The following TGM7 variants were observed in gnomAD, a reference collection of about 807,000 sequenced individuals.
TGM7 encodes transglutaminase 7, also known as protein-glutamine gamma-glutamyltransferase Z.
In TGM7, 74 loss-of-function variants were observed where a neutral mutation model predicts 79.5. The observed-to-expected ratio is 0.93, with a 90% CI of 0.77 to 1.13. The LOEUF (loss-of-function observed/expected upper bound fraction) is 1.13. Among genes scored for constraint, TGM7 ranks in the 50% most tolerant of loss-of-function variants. TGM7 has a pLI of 0.00. For missense variants in TGM7, 912 were observed against 905.9 expected (o/e 1.01, Z -0.09); for synonymous variants, 354 against 362.5 (o/e 0.98, Z 0.27).
chr15:43,291,723 TTGTAGTAGCC>T (rs1160216870), intron 4 of TGM7, among the ~76,000 whole-genome samples: 1 of 152,224 alleles, frequency 6.6e-6, no homozygotes, highest in Non-Finnish European at 1.5e-5. Flanking sequence ...GGGAGATCTA[TTGTAGTAGCC>T]TGTCTACTTT....
chr15:43,292,901 C>G lies in TGM7; in HGVS notation c.247G>C (p.Val83Leu), dbSNP rs748029325. The stretch of plus-strand genomic sequence containing the variant: ...GCGCTCCAGACATTCCCGGGCTGGA[C>G]CCGGGTGAGGAAGAATGTGGCTCGG... ...GTRATFFLTR[V>L]QPGNVWSASD... Residue 83 changes from valine to leucine, a missense_variant, in exon 3 of 13, where the codon GTC becomes CTC. Coordinates refer to ENST00000452443, the MANE Select transcript of TGM7 (RefSeq NM_052955.3). 1.9e-6 allele frequency: 3 copies of G among 1,613,698 alleles called. No individual in the cohort carries two copies. Among genetic ancestry groups the G allele is most frequent in the Non-Finnish European group, 2.5e-6 (3 of 1,179,976 alleles).
chr15:43,285,400 G>C (rs2042930332), intron 6 of TGM7, among the ~76,000 whole-genome samples: 1 of 152,210 alleles, frequency 6.6e-6, no homozygotes, highest in Non-Finnish European at 1.5e-5. Context: ...GCTGGGTGTG[G>C]TGGTGCATGC....
At chr15:43,284,739 G>T in intron 7 of TGM7, 75 bp downstream of exon 7, 1 of 1,541,888 alleles carries the variant, frequency 6.5e-7, no homozygotes, top group Non-Finnish European at 8.9e-7. Context: ...TTCCTCAAGA[G>T]CCAGAGAGAA....
At position 43,293,440 on chromosome 15, in the gene TGM7, C is replaced by T. The variant is rs2042973870; in HGVS notation, c.193+9G>A. 1 of 1,591,614 alleles carries T rather than the reference C, an allele frequency of 6.3e-7. No homozygotes were observed. The highest frequency in any genetic ancestry group is 8.6e-7 in the Non-Finnish European group (1 of 1,165,434). ...GAACCTGCGGGGCCTTGGGACAGGG[C>T]AAACTCACCGGTCTCAGCCACAAAG... On this transcript the variant is annotated intron_variant, in intron 2 of 12. Transcript: ENST00000452443.
rs1331853180 is a variant in TGM7, at chr15:43,279,237, T to C, written c.1719A>G (p.Arg573=). The change falls in exon 11 of 13, where the codon AGA becomes AGG. Residue 573 remains arginine, a synonymous_variant. Coordinates refer to ENST00000452443, the MANE Select transcript of TGM7 (RefSeq NM_052955.3). ...TGAGCTTTTCGTCCGTTAGCTTGTT[T>C]CTGTAATTGCTGTAGGGCAGGAGGA... ...WPLLLPYSNY[R]NKLTDEKLIR... The C allele has an allele frequency of 2.5e-6, 4 of 1,614,170 alleles. No homozygotes were observed. Among genetic ancestry groups the C allele is most frequent in the Non-Finnish European group, 3.4e-6 (4 of 1,180,018 alleles).
chr15:43,277,065 C>T (rs2042881930), intron 11 of TGM7, 70 bp from the exon 12 acceptor site: 2 of 1,573,726 alleles, frequency 1.3e-6, no homozygotes, highest in Non-Finnish European at 1.7e-6. Context: ...CAGTTACCCC[C>T]ACCCCCAGGT....
Position 43,284,681 on chromosome 15 carries a change from T to A in TGM7, c.1004+133A>T, listed in dbSNP as rs2042925866. 8.8e-6 allele frequency: 10 copies of A among 1,130,664 alleles called. No individual in the cohort carries two copies. In the South Asian group the frequency reaches 1.5e-4, roughly 17 times the overall value. 70.0% of individuals were successfully genotyped at this position (1,130,664 alleles called of 1,614,324 possible). A position where few individuals can be genotyped will look rare whatever the true frequency, so the allele number is the denominator to read the frequency against. On this transcript the variant is annotated intron_variant, in intron 7 of 12. Coordinates refer to ENST00000452443, the MANE Select transcript of TGM7 (RefSeq NM_052955.3). ...ACAGCCTCCTGGGTTGGGGAATTCT[T>A]CTCTTCTCTGAGCATTAGCAGCAAT...
rs201306833 is a variant in TGM7, at chr15:43,296,382, A to G, written c.11-2751T>C. On this transcript the variant is annotated intron_variant, in intron 1 of 12. Coordinates refer to ENST00000452443, the MANE Select transcript of TGM7 (RefSeq NM_052955.3). ...AGAGGTTGCAGTGAGCCGAGGTCAC[A>G]CCACTGCACTCCAGCCTGGGTGACA... 7.0e-5 allele frequency among the ~76,000 whole-genome samples: 10 copies of G among 141,912 alleles called. No individual in the cohort carries two copies. The East Asian group carries it at 2.0e-3, about 29-fold the overall frequency. The allele number at this position is 141,912 out of a possible 152,430, so 93.1% of individuals were successfully genotyped here. A position where few individuals can be genotyped will look rare whatever the true frequency, so the allele number is the denominator to read the frequency against.
chr15:43,299,659 G>A (rs2043016891), intron 1 of TGM7, among the ~76,000 whole-genome samples: 1 of 152,238 alleles, frequency 6.6e-6, no homozygotes, highest in Non-Finnish European at 1.5e-5. Context: ...ATGCCAGGTG[G>A]AAGGTGGACT....
At chr15:43,285,621 G>T (rs1222857043) in intron 6 of TGM7, among the ~76,000 whole-genome samples, 2 of 152,050 alleles carry the variant, frequency 1.3e-5, no homozygotes, top group East Asian at 3.9e-4. Context: ...GGTAGGGGGA[G>T]GTATGAAAGA....
intron 4 of TGM7, among the ~76,000 whole-genome samples, chr15:43,288,295 T>C (rs1182685736): frequency 6.6e-6 from 1 of 151,914 alleles, no homozygotes; most frequent in Admixed American, 6.6e-5. Context: ...GTCGCCACGG[T>C]TGGAGAATGG....
At chr15:43,276,806 TG>T in intron 12 of TGM7, 55 bp downstream of exon 12, 4 of 1,595,552 alleles carry the variant, frequency 2.5e-6, no homozygotes, top group Non-Finnish European at 3.4e-6. Context: ...TGTGACGCCA[TG>T]GGGCACCCCT....
chr15:43,279,216 C>T lies in TGM7; in HGVS notation c.1740G>A (p.Lys580=). 1.2e-6 allele frequency: 2 copies of T among 1,614,168 alleles called. No individual in the cohort carries two copies. Among genetic ancestry groups the T allele is most frequent in the Non-Finnish European group, 1.7e-6 (2 of 1,180,034 alleles). Residue 580 remains lysine, a synonymous_variant, in exon 11 of 13, where the codon AAG becomes AAA. Coordinates refer to ENST00000452443, the MANE Select transcript of TGM7 (RefSeq NM_052955.3). ...CCGCGATGCCAGACACGCGGATGAG[C>T]TTTTCGTCCGTTAGCTTGTTTCTGT... ...SNYRNKLTDE[K]LIRVSGIAEV... is the part of the protein sequence containing the mutation.
Position 43,282,658 on chromosome 15 carries a change from C to G in TGM7, c.1005-38G>C, listed in dbSNP as rs1290820128. 5 of 1,538,924 alleles carry G rather than the reference C, an allele frequency of 3.2e-6. No homozygotes were observed. The African/African-American group carries it at 6.8e-5, about 21-fold the overall frequency. ...GTAAGGAGACAAGGATTCATGTTAG[C>G]TGAGGTTTTGCCAGGTACCAGGCAC... is the stretch of plus-strand genomic sequence containing the variant. On this transcript the variant is annotated intron_variant, in intron 7 of 12. Transcript: ENST00000452443.
At chr15:43,289,908 G>A (rs1265098284) in intron 4 of TGM7, among the ~76,000 whole-genome samples, 1 of 152,104 alleles carries the variant, frequency 6.6e-6, no homozygotes, top group South Asian at 2.1e-4. Flanking sequence ...TTTTGATGGG[G>A]TTGTTTGTTT....
At chr15:43,296,178 C>G (rs552264585) in intron 1 of TGM7, among the ~76,000 whole-genome samples, 9 of 152,322 alleles carry the variant, frequency 5.9e-5, no homozygotes, top group African/African-American at 2.2e-4. Flanking sequence ...GTAATCCCAG[C>G]ACTTTGGGAG....
chr15:43,294,387 T>G (rs571588567), intron 1 of TGM7, among the ~76,000 whole-genome samples: 1 of 152,284 alleles, frequency 6.6e-6, no homozygotes, highest in East Asian at 1.9e-4. Context: ...CAGCCTCAGG[T>G]CTATCATCTG....
chr15:43,296,443 A>AAC (rs1289435618), intron 1 of TGM7, among the ~76,000 whole-genome samples: 1 of 151,382 alleles, frequency 6.6e-6, no homozygotes, highest in African/African-American at 2.4e-5. Flanking sequence ...AAAAAAAAAA[A>AAC]AAGTCAGAGA....
rs769291168 is a variant in TGM7 at position 43,276,380 on chromosome 15, C to T, written c.*75G>A. The T allele has an allele frequency of 2.3e-4, 351 of 1,530,378 alleles. No individual in the cohort carries two copies. The highest frequency in any genetic ancestry group is 2.8e-4 in the Non-Finnish European group (318 of 1,135,462). The allele number at this position is 1,530,378 out of a possible 1,614,324, so 94.8% of individuals were successfully genotyped here. ...GCTAGAGAGAGGACAGAGGTGGAGC[C>T]AAGACGACATAGCCAGGAGTAGAAA... is the stretch of plus-strand genomic sequence containing the variant. On this transcript the variant is annotated 3_prime_UTR_variant, in exon 13 of 13. Coordinates refer to ENST00000452443, the MANE Select transcript of TGM7 (RefSeq NM_052955.3).
Sources: gnomAD v4.1 joint callset for allele counts (sites outside exome capture counted in the v4.1 genomes callset) on GRCh38, gnomAD v4.1.1 for gene constraint, MANE v1.5 for transcripts, NCBI Gene and HGNC (gene_info 2026-07-23, HGNC 2026-07-21) for gene names.